ATG2A: variants seen among roughly 807,000 people sequenced by gnomAD.
ATG2A encodes autophagy related 2A.
Under a neutral mutation model 214.2 loss-of-function variants are expected in ATG2A, and 103 were observed. The ratio of observed to expected loss-of-function variants is 0.48; its 90% CI spans 0.41 to 0.57. The LOEUF (loss-of-function observed/expected upper bound fraction) is 0.57. Ranked by LOEUF, ATG2A falls within the 20% of genes least tolerant of loss-of-function variation. The probability of loss-of-function intolerance (pLI) is 0.00; values close to 1 mark genes in which losing one functional copy is unlikely to be tolerated. For synonymous variants in ATG2A, 1,160 were observed against 1,142.1 expected (o/e 1.02, Z -0.32); for missense variants, 2,312 against 2,613.2 (o/e 0.88, Z 2.51).
At chr11:64,899,687 T>C (rs1944282616) in intron 31 of ATG2A, among the ~76,000 whole-genome samples, 1 of 152,098 alleles carries the variant, frequency 6.6e-6, no homozygotes, top group East Asian at 1.9e-4. Context: ...TAGGCTCTCC[T>C]GAACCTGCTC....
Position 64,895,501 on chromosome 11 carries a change from GCCCCCAGGACAGTCTGAGAC to G in ATG2A, c.5428-79_5428-60del. ...TGGCTGGGGCACACGTCAGCCCCAG[GCCCCCAGGACAGTCTGAGAC>G]CCCACCAGCCCTCAGCCTCCCTGCC... On this transcript the variant is annotated intron_variant, in intron 39 of 40. Transcript: ENST00000377264. The surrounding 1 kb of genome is among the most constrained non-coding windows in gnomAD (Gnocchi z 5.0). 1 of 1,470,498 alleles carries G rather than the reference GCCCCCAGGACAGTCTGAGAC, an allele frequency of 6.8e-7. No homozygotes were observed. Among genetic ancestry groups the G allele is most frequent in the Non-Finnish European group, 9.0e-7 (1 of 1,105,606 alleles). 91.1% of individuals were successfully genotyped at this position (1,470,498 alleles called of 1,614,324 possible). A position where few individuals can be genotyped will look rare whatever the true frequency, so the allele number is the denominator to read the frequency against.
intron 29 of ATG2A, 135 bp from the exon 30 acceptor site, chr11:64,901,227 A>G (rs1944342185): frequency 1.2e-6 from 1 of 869,160 alleles, no homozygotes; most frequent in South Asian, 1.6e-5. Context: ...TCGGTCACCC[A>G]GGCTGGAGTG....
Sources: allele counts gnomAD v4.1 joint callset (sites outside exome capture counted in the v4.1 genomes callset), GRCh38; gene constraint gnomAD v4.1.1; non-coding constraint Gnocchi (gnomAD v3.1); transcripts MANE v1.5; gene names NCBI Gene and HGNC (gene_info 2026-07-23, HGNC 2026-07-21).